Variants in PLCB4 observed in about 807,000 individuals in gnomAD.
PLCB4 encodes phospholipase C beta 4.
Under a neutral mutation model 178.8 loss-of-function variants are expected in PLCB4, and 77 were observed. That is an observed-to-expected ratio of 0.43 (90% CI 0.36 to 0.52). The LOEUF (loss-of-function observed/expected upper bound fraction) is 0.52, where lower values mean the gene tolerates loss of function less well. PLCB4 is among the 20% of genes least tolerant of loss of function. The pLI is 0.00. For missense variants in PLCB4, 1,024 were observed against 1,453.4 expected (o/e 0.70, Z 4.80); for synonymous variants, 496 against 490.8 (o/e 1.01, Z -0.14).
intron 8 of PLCB4, 120 bp from the exon 9 acceptor site, chr20:9,365,341 T>G (rs184256642): frequency 1.5e-6 from 1 of 645,684 alleles, no homozygotes; most frequent in Non-Finnish European, 2.8e-6. Flanking sequence ...AGCACATAAT[T>G]GTCTGATTTT....
At chr20:9,224,177 A>G (rs1045633800) in intron 3 of PLCB4, among the ~76,000 whole-genome samples, 1 of 152,154 alleles carries the variant, frequency 6.6e-6, no homozygotes, top group African/African-American at 2.4e-5. Flanking sequence ...TTTTTGGGCA[A>G]TATCATCTGC....
intron 19 of PLCB4, among the ~76,000 whole-genome samples, chr20:9,397,185 C>A (rs886193418): frequency 2.0e-5 from 3 of 152,200 alleles, no homozygotes; most frequent in Non-Finnish European, 4.4e-5. Flanking sequence ...CTCACAGTAT[C>A]TTTACCTGGA....
chr20:9,098,725 GTA>G (rs1355394443), intron 2 of PLCB4, among the ~76,000 whole-genome samples: 2 of 120,354 alleles, frequency 1.7e-5, no homozygotes, highest in South Asian at 3.2e-4. Flanking sequence ...ACGTGTGTGT[GTA>G]TATATATACA....
At chr20:9,310,215 A>G (rs2094814972) in intron 4 of PLCB4, among the ~76,000 whole-genome samples, 1 of 152,208 alleles carries the variant, frequency 6.6e-6, no homozygotes. Flanking sequence ...TATGGTTGGT[A>G]CATGAACAGC....
chr20:9,307,494 TACACACACAC>T (rs745918024), intron 3 of PLCB4, among the ~76,000 whole-genome samples: 3,384 of 138,076 alleles, frequency 0.025, 125 homozygotes, highest in East Asian at 0.16. Flanking sequence ...AAAAAAAGAA[TACACACACAC>T]ACACACACAC....
intron 3 of PLCB4, among the ~76,000 whole-genome samples, chr20:9,235,694 C>T (rs1163813831): frequency 6.6e-6 from 1 of 152,200 alleles, no homozygotes; most frequent in Middle Eastern, 3.2e-3. Context: ...ATGCCCCTTG[C>T]AGACACCAGC....
At chr20:9,459,465 T>G (rs2043258053) in intron 34 of PLCB4, among the ~76,000 whole-genome samples, 170 bp from the exon 35 acceptor site, 1 of 152,220 alleles carries the variant, frequency 6.6e-6, no homozygotes, top group Non-Finnish European at 1.5e-5. Flanking sequence ...AGCAATAACT[T>G]CCTGCTTCCC....
At chr20:9,414,189 T>A (rs941395281) in intron 25 of PLCB4, among the ~76,000 whole-genome samples, 7 of 152,238 alleles carry the variant, frequency 4.6e-5, no homozygotes, top group Non-Finnish European at 8.8e-5. Flanking sequence ...CCAGAAAAGC[T>A]GAAAAATAGC....
intron 29 of PLCB4, among the ~76,000 whole-genome samples, chr20:9,436,416 A>T (rs2041772865): frequency 6.6e-6 from 1 of 152,214 alleles, no homozygotes; most frequent in South Asian, 2.1e-4. Flanking sequence ...CAGTAGTGTG[A>T]TCATAGCTGA....
chr20:9,174,853 T>C (rs2093127727), intron 2 of PLCB4, among the ~76,000 whole-genome samples: 1 of 152,188 alleles, frequency 6.6e-6, no homozygotes, highest in Non-Finnish European at 1.5e-5. Flanking sequence ...AGAAGCTACT[T>C]AGTAATCTAA....
chr20:9,460,156 C>T (rs2043300427), intron 35 of PLCB4, among the ~76,000 whole-genome samples: 2 of 152,220 alleles, frequency 1.3e-5, no homozygotes, highest in Non-Finnish European at 2.9e-5. Flanking sequence ...CAAGATACAA[C>T]ACCCATATGA....
chr20:9,139,479 T>C (rs1189674215), intron 2 of PLCB4, among the ~76,000 whole-genome samples: 4 of 152,090 alleles, frequency 2.6e-5, no homozygotes. Flanking sequence ...TTCTGTTCCA[T>C]GTAGTTTCTT....
intron 2 of PLCB4, among the ~76,000 whole-genome samples, chr20:9,103,071 C>A (rs1050142996): frequency 9.4e-5 from 14 of 148,358 alleles, no homozygotes; most frequent in Non-Finnish European, 1.5e-4. Flanking sequence ...GTCTCCCAGG[C>A]TGGAGTGCAG....
At chr20:9,369,457 A>G (rs747195028) in intron 9 of PLCB4, among the ~76,000 whole-genome samples, 17 of 152,232 alleles carry the variant, frequency 1.1e-4, no homozygotes, top group Non-Finnish European at 1.5e-4. Flanking sequence ...TATAAAAATT[A>G]CCTGAACTCT....
At chr20:9,093,713 C>T (rs1312892295) in intron 1 of PLCB4, among the ~76,000 whole-genome samples, 6 of 151,904 alleles carry the variant, frequency 3.9e-5, no homozygotes, top group East Asian at 1.9e-4. Context: ...GGTCTTTCCC[C>T]AAACCATGAC....
At position 9,090,551 on chromosome 20, in the gene PLCB4, G is replaced by A. The variant is rs372754060; in HGVS notation, c.-134-5736G>A. On this transcript the variant is annotated intron_variant, in intron 1 of 39. Coordinates refer to ENST00000378473, the MANE Select transcript of PLCB4 (RefSeq NM_001377142.1). Reference sequence around the variant, plus strand: ...TTCAAATGGGTATTAGATAGCTTCCGTGGTAGAAGTGAGGACTTGCAGAAT... The same window carrying A: ...TTCAAATGGGTATTAGATAGCTTCCATGGTAGAAGTGAGGACTTGCAGAAT... Among the ~76,000 whole-genome samples the A allele has an allele frequency of 2.4e-3, 350 of 148,030 alleles. 2 individuals carry two copies. Among genetic ancestry groups the A allele is most frequent in the African/African-American group, 8.3e-3 (334 of 40,100 alleles).
intron 32 of PLCB4, among the ~76,000 whole-genome samples, chr20:9,447,099 T>C (rs973127543): frequency 6.6e-6 from 1 of 152,232 alleles, no homozygotes; most frequent in Non-Finnish European, 1.5e-5. Flanking sequence ...TACATATTGA[T>C]ACTTGCTTAA....
intron 36 of PLCB4, 46 bp downstream of exon 36, chr20:9,468,718 G>A: frequency 9.1e-7 from 1 of 1,096,042 alleles, no homozygotes; most frequent in Non-Finnish European, 1.4e-6. Flanking sequence ...TTGACTTGAG[G>A]ACACAGTCTC....
chr20:9,475,046 G>T (rs979310771), intron 38 of PLCB4, among the ~76,000 whole-genome samples: 14 of 152,232 alleles, frequency 9.2e-5, no homozygotes, highest in African/African-American at 3.4e-4. Context: ...CAAAGCTTTA[G>T]AAGCCACTTC....
Sources: gnomAD v4.1 joint callset for allele counts (sites outside exome capture counted in the v4.1 genomes callset) on GRCh38, gnomAD v4.1.1 for gene constraint, MANE v1.5 for transcripts, NCBI Gene and HGNC (gene_info 2026-07-23, HGNC 2026-07-21) for gene names.